The following CLIP4 variants were observed in gnomAD, a reference collection of about 807,000 sequenced individuals.
CLIP4 encodes CAP-Gly domain-containing linker protein 4.
In CLIP4, 47 loss-of-function variants were observed where a neutral mutation model predicts 73.1. The observed-to-expected ratio is 0.64, with a 90% CI of 0.51 to 0.82. The LOEUF (loss-of-function observed/expected upper bound fraction) is 0.82, where lower values mean the gene tolerates loss of function less well. Ranked by LOEUF, CLIP4 falls within the 40% of genes least tolerant of loss-of-function variation. CLIP4 has a pLI of 0.00. For missense variants in CLIP4, 874 were observed against 852.9 expected (o/e 1.02, Z -0.31); for synonymous variants, 306 against 295.4 (o/e 1.04, Z -0.37).
chr2:29,162,581 A>T (rs1173126578), intron 12 of CLIP4, among the ~76,000 whole-genome samples: 1 of 152,160 alleles, frequency 6.6e-6, no homozygotes, highest in Non-Finnish European at 1.5e-5. Flanking sequence ...TTATATGGTA[A>T]ATTAAAATGG....
At position 29,176,717 on chromosome 2, in the gene CLIP4, C is replaced by T. The variant is rs116490729; in HGVS notation, c.1796+2272C>T. Among the ~76,000 whole-genome samples, 579 of 152,236 alleles carry T rather than the reference C, an allele frequency of 3.8e-3. 7 individuals carry two copies. Among genetic ancestry groups the T allele is most frequent in the African/African-American group, 0.013 (531 of 41,526 alleles). ...CTTCACTCTGCGGATGTGTACATCCCGCCTGGGATCTGTCTCCTGTCCTGT... is the reference window on the plus strand; with the variant it reads ...CTTCACTCTGCGGATGTGTACATCCTGCCTGGGATCTGTCTCCTGTCCTGT... On this transcript the variant is annotated intron_variant, in intron 15 of 15. Coordinates refer to ENST00000320081, the MANE Select transcript of CLIP4 (RefSeq NM_024692.6).
intron 8 of CLIP4, among the ~76,000 whole-genome samples, chr2:29,151,398 A>T (rs920045094): frequency 6.6e-6 from 1 of 152,128 alleles, no homozygotes; most frequent in Non-Finnish European, 1.5e-5. Context: ...CATCGTCGTC[A>T]TTATCACCAG....
rs1294179338 is a variant in CLIP4 at position 29,183,099 on chromosome 2, G to A, written c.*1206G>A. ...TTAACAAACTAAGCTTCACATTAGA[G>A]TGATGTCATAATGTAAAATGTTTGC... is the stretch of plus-strand genomic sequence containing the variant. On this transcript the variant is annotated 3_prime_UTR_variant, in exon 16 of 16. Transcript: ENST00000320081. 1 of 152,514 alleles carries A rather than the reference G, an allele frequency of 6.6e-6. No individual in the cohort carries two copies. The highest frequency in any genetic ancestry group is 1.5e-5 in the Non-Finnish European group (1 of 68,034). 9.4% of individuals were successfully genotyped at this position (152,514 alleles called of 1,614,324 possible). A position where few individuals can be genotyped will look rare whatever the true frequency, so the allele number is the denominator to read the frequency against.
chr2:29,113,770 G>A (rs1389850096), upstream of CLIP4, among the ~76,000 whole-genome samples: 2 of 152,206 alleles, frequency 1.3e-5, no homozygotes, highest in East Asian at 1.9e-4. This position sits in a 1 kb window ranked among gnomAD's most constrained non-coding sequence, Gnocchi z 4.0. Context: ...AACTGTATAC[G>A]TTTGGAAACT....
intron 6 of CLIP4, among the ~76,000 whole-genome samples, chr2:29,140,850 A>T (rs1473241762): frequency 2.0e-5 from 3 of 151,938 alleles, no homozygotes; most frequent in Non-Finnish European, 4.4e-5. Flanking sequence ...GCATTTTTTC[A>T]TGTGTTTTTT....
At chr2:29,131,444 T>G (rs767586402) in intron 3 of CLIP4, 47 bp downstream of exon 3, 1 of 1,537,462 alleles carries the variant, frequency 6.5e-7, no homozygotes, top group Non-Finnish European at 8.7e-7. Flanking sequence ...GGATTGTTAA[T>G]GGTATAGATT....
intron 15 of CLIP4, among the ~76,000 whole-genome samples, chr2:29,177,407 CA>C (rs58183066): frequency 0.42 from 57,116 of 136,356 alleles, 12,087 homozygotes; most frequent in Middle Eastern, 0.48. Context: ...GACTCCGTCT[CA>C]AAAAAAAAAA....
intron 1 of CLIP4, among the ~76,000 whole-genome samples, chr2:29,099,255 T>C (rs1333084394): frequency 1.3e-5 from 2 of 152,248 alleles, no homozygotes; most frequent in Non-Finnish European, 2.9e-5. Flanking sequence ...TTTGGTGTTG[T>C]ATCTAAAAAG....
intron 14 of CLIP4, among the ~76,000 whole-genome samples, chr2:29,169,939 G>T (rs935643865): frequency 1.3e-5 from 2 of 151,984 alleles, no homozygotes; most frequent in African/African-American, 4.8e-5. Flanking sequence ...AGCCTTTGAG[G>T]CTAATCATTC....
At chr2:29,174,883 CT>C (rs897455112) in intron 15 of CLIP4, among the ~76,000 whole-genome samples, 7 of 151,046 alleles carry the variant, frequency 4.6e-5, no homozygotes, top group East Asian at 1.9e-4. Flanking sequence ...TCAAAAAAGC[CT>C]TTTTTTTTGT....
intron 2 of CLIP4, among the ~76,000 whole-genome samples, chr2:29,129,744 A>G (rs1340552042): frequency 2.6e-5 from 4 of 152,224 alleles, no homozygotes; most frequent in African/African-American, 9.6e-5. Context: ...TTGTCTCCAA[A>G]AGGCTTAGGA....
chr2:29,119,764 C>T (rs925171976), intron 1 of CLIP4, among the ~76,000 whole-genome samples: 1 of 152,096 alleles, frequency 6.6e-6, no homozygotes, highest in Non-Finnish European at 1.5e-5. Context: ...ATATTGATAC[C>T]TATTCATCAT....
At chr2:29,138,538 C>T (rs1665537224) in intron 6 of CLIP4, among the ~76,000 whole-genome samples, 1 of 151,018 alleles carries the variant, frequency 6.6e-6, no homozygotes, top group Non-Finnish European at 1.5e-5. Context: ...TTTTCTAATC[C>T]TGTGAAAAAC....
intron 8 of CLIP4, among the ~76,000 whole-genome samples, chr2:29,150,943 A>T (rs960937839): frequency 6.6e-6 from 1 of 151,956 alleles, no homozygotes; most frequent in South Asian, 2.1e-4. Flanking sequence ...ATATTTTTCT[A>T]TATTTCTACA....
chr2:29,159,015 CAG>C (rs1325079285), intron 11 of CLIP4, among the ~76,000 whole-genome samples: 3 of 152,192 alleles, frequency 2.0e-5, no homozygotes, highest in Non-Finnish European at 2.9e-5. Context: ...TTTCTGATCA[CAG>C]AGTCTTGGTT....
chr2:29,131,434 G>C, intron 3 of CLIP4, 37 bp downstream of exon 3: 1 of 1,566,254 alleles, frequency 6.4e-7, no homozygotes, highest in South Asian at 1.2e-5. Flanking sequence ...TGCATTGTTA[G>C]GATTGTTAAT....
At position 29,136,966 on chromosome 2, in the gene CLIP4, A is replaced by T. The variant is rs1034211162; in HGVS notation, c.648+1300A>T. Among the ~76,000 whole-genome samples the T allele has an allele frequency of 2.6e-5, 4 of 151,888 alleles. No individual in the cohort carries two copies. In the East Asian group the frequency reaches 7.7e-4, roughly 29 times the overall value. On this transcript the variant is annotated intron_variant, in intron 6 of 15. Transcript: ENST00000320081. ...GAAAATAACTACTTAAAAAAAAAAAAGGTAAACGTATGGGTCAGCAGTAGC... is the reference window on the plus strand; with the variant it reads ...GAAAATAACTACTTAAAAAAAAAAATGGTAAACGTATGGGTCAGCAGTAGC...
chr2:29,157,757 A>C (rs1361138559), intron 11 of CLIP4, among the ~76,000 whole-genome samples: 1 of 152,228 alleles, frequency 6.6e-6, no homozygotes, highest in Non-Finnish European at 1.5e-5. Context: ...TGGCTTTTTA[A>C]CTAGCCGTGA....
chr2:29,130,117 A>C (rs557424573), intron 2 of CLIP4: 1 of 470,066 alleles, frequency 2.1e-6, no homozygotes, highest in African/African-American at 2.0e-5. Context: ...TCAGATTCAA[A>C]AGAGACTTAC....
Sources: allele counts gnomAD v4.1 joint callset (sites outside exome capture counted in the v4.1 genomes callset), GRCh38; gene constraint gnomAD v4.1.1; non-coding constraint Gnocchi (gnomAD v3.1); transcripts MANE v1.5; gene names NCBI Gene and HGNC (gene_info 2026-07-23, HGNC 2026-07-21).